The following SMARCA4 variants were observed in gnomAD, a reference collection of about 807,000 sequenced individuals.
SMARCA4 encodes SWI/SNF-related matrix-associated actin-dependent regulator of chromatin subfamily A member 4.
In SMARCA4, 31 loss-of-function variants were observed where a neutral mutation model predicts 193.9. The observed-to-expected ratio is 0.16, with a 90% CI of 0.12 to 0.22. The LOEUF (loss-of-function observed/expected upper bound fraction) is 0.22, where lower values mean the gene tolerates loss of function less well. SMARCA4 is among the 10% of genes least tolerant of loss of function. The pLI is 1.00. For missense variants in SMARCA4, 1,148 were observed against 2,296.0 expected, an observed-to-expected ratio of 0.50 and a Z score of 10.22; for synonymous variants, 942 against 933.1, an observed-to-expected ratio of 1.01 and a Z score of -0.17.
intron 30 of SMARCA4, among the ~76,000 whole-genome samples, chr19:11,047,992 G>A (rs1330946819): frequency 6.6e-6 from 1 of 152,106 alleles, no homozygotes; most frequent in Non-Finnish European, 1.5e-5. Context: ...TCATTGTCTA[G>A]AAGTTACATT....
At chr19:11,047,169 C>T (rs568083348) in intron 30 of SMARCA4, among the ~76,000 whole-genome samples, 14 of 152,116 alleles carry the variant, frequency 9.2e-5, no homozygotes, top group South Asian at 2.1e-4. Context: ...AGAGCCCTAG[C>T]GGTTGTTACG....
intron 1 of SMARCA4, among the ~76,000 whole-genome samples, chr19:10,979,604 C>G (rs759564545): frequency 2.0e-5 from 3 of 151,290 alleles, no homozygotes; most frequent in Admixed American, 2.0e-4. Flanking sequence ...TGGACTCAAG[C>G]GATCCTTCTG....
At chr19:10,973,490 T>C (rs569350105) in intron 1 of SMARCA4, among the ~76,000 whole-genome samples, 1 of 151,596 alleles carries the variant, frequency 6.6e-6, no homozygotes, top group Non-Finnish European at 1.5e-5. Flanking sequence ...AAGCTCCGCC[T>C]ACCAGGTTTA....
intron 24 of SMARCA4, among the ~76,000 whole-genome samples, chr19:11,029,942 T>C (rs1347497508): frequency 1.3e-5 from 2 of 152,086 alleles, no homozygotes; most frequent in Non-Finnish European, 2.9e-5. Flanking sequence ...TCCCAAAGTG[T>C]TGGGATTACA....
At chr19:11,053,136 C>G (rs901588367) in intron 30 of SMARCA4, among the ~76,000 whole-genome samples, 4 of 152,114 alleles carry the variant, frequency 2.6e-5, no homozygotes, top group Non-Finnish European at 5.9e-5. Context: ...CACGGTGGCT[C>G]ACGCCTGTAA....
chr19:10,973,638 T>C (rs1414445560), intron 1 of SMARCA4, among the ~76,000 whole-genome samples: 5 of 150,904 alleles, frequency 3.3e-5, no homozygotes, highest in Admixed American at 6.6e-5. Flanking sequence ...GGCATGATCT[T>C]GGCTCACTGC....
At chr19:11,007,769 C>A in intron 13 of SMARCA4, 133 bp from the exon 14 acceptor site, 1 of 803,878 alleles carries the variant, frequency 1.2e-6, no homozygotes, top group Non-Finnish European at 2.1e-6. Context: ...ATAAACAGCA[C>A]ACATTCCAGG....
rs1555795063 is a variant in SMARCA4 at position 11,058,335 on chromosome 19, G to A, written c.4505G>A (p.Arg1502His). 7 of 1,612,522 alleles carry A rather than the reference G, an allele frequency of 4.3e-6. No homozygotes were observed. The highest frequency in any genetic ancestry group is 5.1e-6 in the Non-Finnish European group (6 of 1,178,914). ...KELPEYYELI[R>H]KPVDFKKIKE... Reference sequence around the variant, plus strand: ...CTGCCCGAGTACTACGAGCTCATCCGCAAGCCCGTGGACTTCAAGAAGATA... The same window carrying A: ...CTGCCCGAGTACTACGAGCTCATCCACAAGCCCGTGGACTTCAAGAAGATA... The change falls in exon 31 of 35, where the codon CGC becomes CAC. Residue 1502 changes from arginine (R) to histidine (H), a missense_variant. Physicochemically the swap from Arg to His is conservative, Grantham distance 29. Around this residue, in one of 17 missense-constraint regions of SMARCA4, gnomAD observed 141 missense variants for 193.0 expected, o/e 0.73. Transcript: ENST00000344626. This position sits in a 1 kb window ranked among gnomAD's most constrained non-coding sequence, Gnocchi z 5.8.
At chr19:10,973,999 A>C (rs1479760226) in intron 1 of SMARCA4, among the ~76,000 whole-genome samples, 1 of 151,922 alleles carries the variant, frequency 6.6e-6, no homozygotes, top group African/African-American at 2.4e-5. Flanking sequence ...CCATAACCTG[A>C]CTCCCACGTT....
chr19:11,049,756 G>C (rs900858555), intron 30 of SMARCA4, among the ~76,000 whole-genome samples: 1 of 152,130 alleles, frequency 6.6e-6, no homozygotes, highest in Non-Finnish European at 1.5e-5. Context: ...AGACCACCCC[G>C]CCAGCCACCA....
chr19:11,021,666 C>G (rs2146411607), intron 18 of SMARCA4, 59 bp from the exon 19 acceptor site: 1 of 1,556,712 alleles, frequency 6.4e-7, no homozygotes. Flanking sequence ...GGGAGATTCT[C>G]CCCATGTGCC....
At chr19:11,055,843 G>A (rs775627635) in intron 30 of SMARCA4, among the ~76,000 whole-genome samples, 74 of 151,736 alleles carry the variant, frequency 4.9e-4, no homozygotes, top group Non-Finnish European at 8.5e-4. Flanking sequence ...ATCCTCCCAC[G>A]TTGGCCTCCC....
intron 1 of SMARCA4, among the ~76,000 whole-genome samples, chr19:10,974,666 C>CGTATATATAT (rs1412254818): frequency 6.6e-5 from 2 of 30,474 alleles, no homozygotes; most frequent in Admixed American, 5.8e-4. Flanking sequence ...GATTAACATG[C>CGTATATATAT]ATATATATAT....
chr19:11,050,382 C>T (rs1374483978), intron 30 of SMARCA4, among the ~76,000 whole-genome samples: 1 of 152,206 alleles, frequency 6.6e-6, no homozygotes, highest in Non-Finnish European at 1.5e-5. Flanking sequence ...AAGATCTGCA[C>T]TCCACACCTG....
chr19:10,986,901 G>C lies in SMARCA4; in HGVS notation c.761-4G>C, dbSNP rs2086099739. 1 of 1,607,350 alleles carries C rather than the reference G, an allele frequency of 6.2e-7. No individual in the cohort carries two copies. The highest frequency in any genetic ancestry group is 1.3e-5 in the African/African-American group (1 of 74,832). The stretch of plus-strand genomic sequence containing the variant: ...TTTTCTCTTTTGTTTCTCCCTACAT[G>C]TAGGTATGGGAGGGCCCAACATGCC... On this transcript the variant is annotated splice_region_variant and splice_polypyrimidine_tract_variant and intron_variant, in intron 4 of 34. Transcript: ENST00000344626. This position sits in a 1 kb window ranked among gnomAD's most constrained non-coding sequence, Gnocchi z 6.7.
At position 11,033,271 on chromosome 19, in the gene SMARCA4, C is replaced by T. The variant is rs2146646731; in HGVS notation, c.3547-19C>T. The T allele has an allele frequency of 6.2e-7, 1 of 1,602,884 alleles. No homozygotes were observed. Among genetic ancestry groups the T allele is most frequent in the Non-Finnish European group, 8.5e-7 (1 of 1,171,030 alleles). ...ACCTCCTGGGCTCCTTTGGGACTGA[C>T]TGGCACCTCTTCCCCCAGGACCTGC... On this transcript the variant is annotated intron_variant, in intron 25 of 34. Coordinates refer to ENST00000344626, the MANE Select transcript of SMARCA4 (RefSeq NM_003072.5). This position sits in a 1 kb window ranked among gnomAD's most constrained non-coding sequence, Gnocchi z 9.8.
In SMARCA4 at chr19:10,984,256, G is replaced by T. The variant is rs762531687; in HGVS notation, c.105G>T (p.Ser35=). 2 of 1,611,396 alleles carry T rather than the reference G, an allele frequency of 1.2e-6. No homozygotes were observed. The highest frequency in any genetic ancestry group is 1.1e-5 in the South Asian group (1 of 90,794). ...TGCTGGGCCCTAGCCCGGGTCCCTC[G>T]CCGGGCTCCGCCCACAGCATGATGG... ...GAMLGPSPGP[S]PGSAHSMMGP... is the part of the protein sequence containing the mutation. The change falls in exon 2 of 35, where the codon TCG becomes TCT. Residue 35 remains serine (S), a synonymous_variant. Coordinates refer to ENST00000344626, the MANE Select transcript of SMARCA4 (RefSeq NM_003072.5). The surrounding 1 kb of genome is among the most constrained non-coding windows in gnomAD (Gnocchi z 4.3).
intron 30 of SMARCA4, among the ~76,000 whole-genome samples, chr19:11,051,826 T>C (rs1401900685): frequency 1.3e-5 from 2 of 151,556 alleles, no homozygotes; most frequent in African/African-American, 4.8e-5. Context: ...GGCCGGGTGC[T>C]GTGACTCAGG....
chr19:11,017,124 G>A (rs910812241), intron 16 of SMARCA4, among the ~76,000 whole-genome samples: 5 of 152,314 alleles, frequency 3.3e-5, no homozygotes, highest in Middle Eastern at 3.4e-3. Flanking sequence ...TAAGCTGAAC[G>A]TGAGTTCATA....
Sources: allele counts gnomAD v4.1 joint callset (sites outside exome capture counted in the v4.1 genomes callset), GRCh38; gene constraint gnomAD v4.1.1; regional missense constraint gnomAD v4.1.1; non-coding constraint Gnocchi (gnomAD v3.1); transcripts MANE v1.5; gene names NCBI Gene and HGNC (gene_info 2026-07-23, HGNC 2026-07-21).